ANKRD31: variants seen among roughly 807,000 people sequenced by gnomAD.
ANKRD31 encodes ankyrin repeat domain 31, also known as ankyrin repeat domain-containing protein 31.
Under a neutral mutation model 186.0 loss-of-function variants are expected in ANKRD31, and 147 were observed. That is an observed-to-expected ratio of 0.79 (90% CI 0.69 to 0.91). ANKRD31 has a LOEUF of 0.91. ANKRD31 is among the 40% of genes least tolerant of loss of function. ANKRD31 has a pLI of 0.00. For synonymous variants in ANKRD31, 673 were observed against 736.4 expected, an observed-to-expected ratio of 0.91 and a Z score of 1.39; for missense variants, 1,986 against 2,148.8, an observed-to-expected ratio of 0.92 and a Z score of 1.50.
chr5:75,127,832 T>G (rs949895233), intron 17 of ANKRD31, among the ~76,000 whole-genome samples: 1 of 152,204 alleles, frequency 6.6e-6, no homozygotes, highest in Non-Finnish European at 1.5e-5. Context: ...GTATTCAGTG[T>G]AAAGGTGTAA....
chr5:75,132,401 T>C (rs953105923), intron 17 of ANKRD31, among the ~76,000 whole-genome samples: 1 of 151,986 alleles, frequency 6.6e-6, no homozygotes, highest in African/African-American at 2.4e-5. Context: ...TTCGATCAAC[T>C]GGAAAAAGGG....
chr5:75,084,257 T>G lies in ANKRD31; in HGVS notation c.5575+15A>C, dbSNP rs2150019074. On this transcript the variant is annotated intron_variant, in intron 24 of 25. Transcript: ENST00000506364. Reference sequence around the variant, plus strand: ...TTATCCCACAACGAAGAAATGAGTGTTGTTCTGTACATACCTGGAAGACAA... The same window carrying G: ...TTATCCCACAACGAAGAAATGAGTGGTGTTCTGTACATACCTGGAAGACAA... The G allele has an allele frequency of 7.2e-6, 11 of 1,518,326 alleles. No individual in the cohort carries two copies. Among genetic ancestry groups the G allele is most frequent in the Non-Finnish European group, 9.7e-6 (11 of 1,130,298 alleles). 94.1% of individuals were successfully genotyped at this position (1,518,326 alleles called of 1,614,324 possible). A position where few individuals can be genotyped will look rare whatever the true frequency, so the allele number is the denominator to read the frequency against.
chr5:75,161,878 C>T (rs988409582), intron 11 of ANKRD31, among the ~76,000 whole-genome samples: 2 of 152,224 alleles, frequency 1.3e-5, no homozygotes, highest in African/African-American at 4.8e-5. Context: ...CCTGCAAGTA[C>T]ACAGAAGTCA....
chr5:75,211,133 T>C (rs973464767), intron 3 of ANKRD31, among the ~76,000 whole-genome samples: 3 of 152,182 alleles, frequency 2.0e-5, no homozygotes, highest in Admixed American at 1.3e-4. Flanking sequence ...TGAAACTCCA[T>C]GCTCATTAAA....
At chr5:75,173,248 GCGATTTA>G (rs1452384650) in intron 10 of ANKRD31, among the ~76,000 whole-genome samples, 1 of 151,368 alleles carries the variant, frequency 6.6e-6, no homozygotes, top group Non-Finnish European at 1.5e-5. Context: ...CAAAATAGGA[GCGATTTA>G]CGACAAACCC....
At chr5:75,079,234 C>G (rs1191231168) in intron 25 of ANKRD31, among the ~76,000 whole-genome samples, 1 of 152,168 alleles carries the variant, frequency 6.6e-6, no homozygotes, top group East Asian at 1.9e-4. Flanking sequence ...CATTTGTCTT[C>G]ATGATTCAGG....
At chr5:75,170,727 A>AGGG (rs1753250201) in intron 10 of ANKRD31, among the ~76,000 whole-genome samples, 2 of 152,138 alleles carry the variant, frequency 1.3e-5, no homozygotes, top group East Asian at 1.9e-4. Context: ...CTTTAAATAT[A>AGGG]AAGACACAGA....
Position 75,193,552 on chromosome 5 carries a change from C to T in ANKRD31, c.1057G>A (p.Ala353Thr). Residue 353 changes from alanine to threonine, a missense_variant, in exon 8 of 26, where the codon GCT (alanine) becomes ACT (threonine). Physicochemically the swap from Ala to Thr is moderately conservative, Grantham distance 58 (BLOSUM62 0). Coordinates refer to ENST00000506364, the MANE Select transcript of ANKRD31 (RefSeq NM_001372053.1). ...TCACAAGAAGTGATATTTTGATGAG[C>T]CAAAGTTTGCAATCCAGATGGATTT... is the stretch of plus-strand genomic sequence containing the variant. ...DPNPSGLQTL[A>T]HQNITSCEPL... 1.0e-5 allele frequency: 16 copies of T among 1,536,586 alleles called. No homozygotes were observed. Among genetic ancestry groups the T allele is most frequent in the Non-Finnish European group, 1.3e-5 (15 of 1,146,594 alleles).
In ANKRD31 at chr5:75,165,192, C is replaced by CA. The variant is rs575789770; in HGVS notation, c.1707+3786dup. Reference sequence around the variant, plus strand: ...TTTAAAGTCCAAATACTCCAAAATCCAAAAAAAATTCAAAATCCTAAACAC... The same window carrying CA: ...TTTAAAGTCCAAATACTCCAAAATCCAAAAAAAAATTCAAAATCCTAAACAC... On this transcript the variant is annotated intron_variant, in intron 11 of 25. Transcript: ENST00000506364. Among the ~76,000 whole-genome samples, 122 of 151,626 alleles carry CA rather than the reference C, an allele frequency of 8.0e-4. No homozygotes were observed. In the Middle Eastern group the frequency reaches 0.01, roughly 13 times the overall value.
chr5:75,153,764 T>C (rs1351835524), intron 12 of ANKRD31, among the ~76,000 whole-genome samples: 5 of 152,154 alleles, frequency 3.3e-5, no homozygotes, highest in African/African-American at 1.2e-4. Context: ...TTGAAAACTA[T>C]AGATCAAGTT....
intron 17 of ANKRD31, among the ~76,000 whole-genome samples, chr5:75,134,730 G>A (rs938846883): frequency 6.6e-6 from 1 of 152,050 alleles, no homozygotes; most frequent in African/African-American, 2.4e-5. Context: ...GAGAATTTTG[G>A]ACCAATATCC....
At chr5:75,192,843 C>A in intron 8 of ANKRD31, 67 bp from the exon 9 acceptor site, 1 of 1,190,894 alleles carries the variant, frequency 8.4e-7, no homozygotes, top group Non-Finnish European at 1.2e-6. Flanking sequence ...AGAATTATAC[C>A]AATTTTTGAA....
At chr5:75,092,104 G>T (rs1363372321) in intron 22 of ANKRD31, among the ~76,000 whole-genome samples, 3 of 152,164 alleles carry the variant, frequency 2.0e-5, no homozygotes, top group Non-Finnish European at 4.4e-5. Flanking sequence ...GAGAAGAGAA[G>T]CAAGGCTTAG....
At chr5:75,154,102 A>T (rs1350033543) in intron 12 of ANKRD31, 99 bp downstream of exon 12, 1 of 1,184,102 alleles carries the variant, frequency 8.4e-7, no homozygotes, top group African/African-American at 1.5e-5. Context: ...TTTTCTCAAC[A>T]CTCATGAGAA....
At chr5:75,098,650 C>T (rs546973022) in intron 22 of ANKRD31, among the ~76,000 whole-genome samples, 6 of 152,158 alleles carry the variant, frequency 3.9e-5, no homozygotes, top group Admixed American at 2.6e-4. Context: ...CCTTCACATC[C>T]CTTGTAAGTT....
At chr5:75,075,980 C>G (rs771709204) in intron 25 of ANKRD31, among the ~76,000 whole-genome samples, 1 of 152,212 alleles carries the variant, frequency 6.6e-6, no homozygotes, top group East Asian at 1.9e-4. Flanking sequence ...TCAGTCTTCC[C>G]GGACTTGTTC....
At chr5:75,080,827 A>G (rs1745025393) in intron 24 of ANKRD31, among the ~76,000 whole-genome samples, 188 bp from the exon 25 acceptor site, 1 of 152,236 alleles carries the variant, frequency 6.6e-6, no homozygotes, top group Non-Finnish European at 1.5e-5. Context: ...TATTTCCCCA[A>G]AAACAGTATT....
chr5:75,116,651 T>G lies in ANKRD31; in HGVS notation c.4070A>C (p.His1357Pro). Residue 1357 changes from histidine (H) to proline (P), a missense_variant, in exon 19 of 26, where the codon CAT becomes CCT. Physicochemically the swap from His to Pro is moderately conservative, Grantham distance 77. Transcript: ENST00000506364. ...EKIPAVRSKR[H>P]KQCFCDDGKT... ...GCCATCATCACAAAAACACTGTTTA[T>G]GTCTTTTAGACCGGACAGCAGGAAT... is the stretch of plus-strand genomic sequence containing the variant. 2.1e-6 allele frequency: 3 copies of G among 1,448,450 alleles called. No individual in the cohort carries two copies. The highest frequency in any genetic ancestry group is 2.7e-6 in the Non-Finnish European group (3 of 1,093,344). 89.7% of individuals were successfully genotyped at this position (1,448,450 alleles called of 1,614,324 possible).
chr5:75,181,637 A>G (rs1191548940), intron 10 of ANKRD31, among the ~76,000 whole-genome samples: 1 of 151,260 alleles, frequency 6.6e-6, no homozygotes, highest in Non-Finnish European at 1.5e-5. Flanking sequence ...CGCAAGGACA[A>G]AAAACCAAAC....
Sources: allele counts gnomAD v4.1 joint callset (sites outside exome capture counted in the v4.1 genomes callset), GRCh38; gene constraint gnomAD v4.1.1; transcripts MANE v1.5; gene names NCBI Gene and HGNC (gene_info 2026-07-23, HGNC 2026-07-21).